SMARCAL1: variants seen among roughly 807,000 people sequenced by gnomAD.
SMARCAL1 encodes SNF2 related chromatin remodeling annealing helicase 1.
In SMARCAL1, 58 loss-of-function variants were observed where a neutral mutation model predicts 94.5. The observed-to-expected ratio is 0.61, with a 90% confidence interval of 0.50 to 0.76. The LOEUF (loss-of-function observed/expected upper bound fraction) is 0.76. Ranked by LOEUF, SMARCAL1 falls within the 30% of genes least tolerant of loss-of-function variation. The pLI, the probability that SMARCAL1 is intolerant of heterozygous loss-of-function variation, is 0.00. For synonymous variants in SMARCAL1, 422 were observed against 455.1 expected, an observed-to-expected ratio of 0.93 and a Z score of 0.93; for missense variants, 1,051 against 1,177.9, an observed-to-expected ratio of 0.89 and a Z score of 1.58.
At chr2:216,434,211 G>A (rs946414427) in intron 8 of SMARCAL1, among the ~76,000 whole-genome samples, 2 of 152,052 alleles carry the variant, frequency 1.3e-5, no homozygotes, top group Non-Finnish European at 2.9e-5. Flanking sequence ...CAGCCAGACG[G>A]TGACCAGCCT....
intron 1 of SMARCAL1, among the ~76,000 whole-genome samples, 192 bp from the exon 2 acceptor site, chr2:216,413,664 T>C (rs1257411043): frequency 6.6e-6 from 1 of 152,148 alleles, no homozygotes. Context: ...TTTTTTCTGC[T>C]CCTTATTTTC....
chr2:216,415,466 C>A lies in SMARCAL1; in HGVS notation c.762C>A (p.Tyr254Ter). The change falls in exon 3 of 18, where the codon TAC becomes TAA. Residue 254 changes from tyrosine to a stop codon, truncating the protein, a stop_gained. Transcript: ENST00000357276. LOFTEE classifies it high-confidence loss of function. ...NGDRFQVLIG[Y>*]NAELIAVFKT... ...ATCGTTTCCAGGTGTTGATTGGGTA[C>A]AATGCGGAACTCATTGCAGTGTTTA... 2 of 1,613,692 alleles carry A rather than the reference C, an allele frequency of 1.2e-6. No individual in the cohort carries two copies. Among genetic ancestry groups the A allele is most frequent in the Non-Finnish European group, 1.7e-6 (2 of 1,180,006 alleles).
chr2:216,426,972 A>G (rs1411206092), intron 6 of SMARCAL1: 3 of 152,174 alleles, frequency 2.0e-5, no homozygotes, highest in Non-Finnish European at 4.4e-5. Context: ...AGTAAGGAGA[A>G]TCTAAGCTTT....
Position 216,454,773 on chromosome 2 carries a change from G to A in SMARCAL1, c.2070+3709G>A, listed in dbSNP as rs1007938858. On this transcript the variant is annotated intron_variant, in intron 12 of 17. Transcript: ENST00000357276. ...CTCCAGTCTACAGCTCCCAGCGTGA[G>A]CGACACAGAAGATGGGTGATTTCTG... Among the ~76,000 whole-genome samples, 3 of 152,202 alleles carry A rather than the reference G, an allele frequency of 2.0e-5. No individual in the cohort carries two copies. In the South Asian group the frequency reaches 6.2e-4, roughly 32 times the overall value.
At chr2:216,430,668 A>T (rs1237669552) in intron 7 of SMARCAL1, among the ~76,000 whole-genome samples, 4 of 152,144 alleles carry the variant, frequency 2.6e-5, no homozygotes, top group Non-Finnish European at 5.9e-5. Flanking sequence ...AAAAGGAGAG[A>T]ATGTGAAATT....
intron 14 of SMARCAL1, 102 bp downstream of exon 14, chr2:216,468,148 C>T (rs1468951706): frequency 3.2e-5 from 25 of 779,894 alleles, no homozygotes; most frequent in Non-Finnish European, 5.5e-5. Flanking sequence ...CGATGGCTTC[C>T]GGAAGCATTG....
intron 14 of SMARCAL1, among the ~76,000 whole-genome samples, chr2:216,471,234 A>C (rs963983707): frequency 5.9e-5 from 9 of 152,262 alleles, no homozygotes; most frequent in Admixed American, 5.9e-4. Flanking sequence ...CCAATGAACA[A>C]TAGCTGATCA....
chr2:216,432,348 C>T (rs1469734847), intron 7 of SMARCAL1, among the ~76,000 whole-genome samples: 1 of 152,158 alleles, frequency 6.6e-6, no homozygotes, highest in Non-Finnish European at 1.5e-5. Context: ...CTCCTCAGTG[C>T]TAGTCCTGGA....
chr2:216,425,859 T>G (rs2106026261), intron 6 of SMARCAL1, among the ~76,000 whole-genome samples: 1 of 152,342 alleles, frequency 6.6e-6, no homozygotes, highest in African/African-American at 2.4e-5. Flanking sequence ...AAGTTCTTAT[T>G]CTGGGTTGTG....
chr2:216,419,207 A>G (rs1019030914), intron 4 of SMARCAL1, among the ~76,000 whole-genome samples: 4 of 152,244 alleles, frequency 2.6e-5, no homozygotes, highest in Admixed American at 2.0e-4. Flanking sequence ...CCAACTAGCA[A>G]TATGGATATC....
At chr2:216,434,692 G>T (rs894150381) in intron 8 of SMARCAL1, among the ~76,000 whole-genome samples, 5 of 151,476 alleles carry the variant, frequency 3.3e-5, no homozygotes, top group African/African-American at 1.2e-4. Flanking sequence ...AAGAAAGAAA[G>T]AAATTAGCCA....
intron 12 of SMARCAL1, chr2:216,451,653 C>T (rs867707394): frequency 4.8e-5 from 8 of 165,500 alleles, no homozygotes; most frequent in Non-Finnish European, 8.0e-5. Context: ...CTCTTAGCTG[C>T]TCCACCACAG....
At chr2:216,463,145 T>A (rs1456296383) in intron 12 of SMARCAL1, among the ~76,000 whole-genome samples, 5 of 152,180 alleles carry the variant, frequency 3.3e-5, no homozygotes, top group South Asian at 4.1e-4. Context: ...TGCTGTTGAA[T>A]CACGTCTTTG....
chr2:216,447,274 T>C (rs1694339918), intron 11 of SMARCAL1, 116 bp downstream of exon 11: 3 of 1,278,610 alleles, frequency 2.3e-6, no homozygotes, highest in Admixed American at 1.7e-5. Flanking sequence ...GCCAGGGGAA[T>C]GGATTTTAGT....
intron 14 of SMARCAL1, among the ~76,000 whole-genome samples, chr2:216,474,741 A>G (rs1460744779): frequency 1.3e-5 from 2 of 152,062 alleles, no homozygotes; most frequent in Non-Finnish European, 2.9e-5. Context: ...GAGTGACAAG[A>G]GTGAAACTTC....
At chr2:216,452,908 G>A (rs542813170) in intron 12 of SMARCAL1, among the ~76,000 whole-genome samples, 211 of 152,166 alleles carry the variant, frequency 1.4e-3, no homozygotes, top group Non-Finnish European at 2.6e-3. Context: ...TAACTAGGAG[G>A]TACTATGGAA....
chr2:216,426,769 G>C (rs1036677700), intron 6 of SMARCAL1, among the ~76,000 whole-genome samples: 1 of 152,190 alleles, frequency 6.6e-6, no homozygotes, highest in African/African-American at 2.4e-5. Flanking sequence ...ATTTAGTTCT[G>C]ATTTCTCCGC....
intron 10 of SMARCAL1, among the ~76,000 whole-genome samples, chr2:216,446,484 T>C (rs1010668559): frequency 1.3e-5 from 2 of 152,208 alleles, no homozygotes; most frequent in African/African-American, 2.4e-5. Context: ...CTCTTGGGAA[T>C]GGGAGAGGGC....
At chr2:216,474,863 G>A (rs1161784202) in intron 14 of SMARCAL1, among the ~76,000 whole-genome samples, 1 of 152,198 alleles carries the variant, frequency 6.6e-6, no homozygotes, top group Non-Finnish European at 1.5e-5. Flanking sequence ...TCCTTGCAAT[G>A]TTGGAGTTGT....
Sources: allele counts gnomAD v4.1 joint callset (sites outside exome capture counted in the v4.1 genomes callset), GRCh38; gene constraint gnomAD v4.1.1; transcripts MANE v1.5; gene names NCBI Gene and HGNC (gene_info 2026-07-23, HGNC 2026-07-21).